Variants in MAML1 observed in about 807,000 individuals in gnomAD.
MAML1 encodes mastermind-like protein 1.
In MAML1, 14 loss-of-function variants were observed where a neutral mutation model predicts 77.1. The observed-to-expected ratio is 0.18, with a 90% confidence interval of 0.12 to 0.28. MAML1 has a LOEUF of 0.28. MAML1 is among the 10% of genes least tolerant of loss of function. MAML1 has a pLI of 1.00. For missense variants in MAML1, 1,217 were observed against 1,327.8 expected (o/e 0.92, Z 1.30); for synonymous variants, 516 against 551.9 (o/e 0.93, Z 0.91).
chr5:179,733,071 G>T lies in MAML1; in HGVS notation c.-42G>T, dbSNP rs1217498195. 3 of 1,218,150 alleles carry T rather than the reference G, an allele frequency of 2.5e-6. No individual in the cohort carries two copies. The highest frequency in any genetic ancestry group is 3.5e-5 in the East Asian group (1 of 28,970). 75.5% of individuals were successfully genotyped at this position (1,218,150 alleles called of 1,614,324 possible). ...GAAGCCCGCAGTGCCAGCCGGCCCC[G>T]AGAGGCCCGGCCCCGGGCCCGGCCC... is the stretch of plus-strand genomic sequence containing the variant. On this transcript the variant is annotated 5_prime_UTR_variant, in exon 1 of 5. Transcript: ENST00000292599.
At position 179,776,016 on chromosome 5, in the gene MAML1, A is replaced by T. The variant is rs1252408960; in HGVS notation, c.*1139A>T. ...CAGATGACTTGCACTTCTTAAAGAG[A>T]TTGCTTTATAACACTAAGACATCCT... On this transcript the variant is annotated 3_prime_UTR_variant, in exon 5 of 5. Transcript: ENST00000292599. 1.1e-5 allele frequency: 11 copies of T among 985,698 alleles called. No homozygotes were observed. The Admixed American group carries it at 5.5e-4, about 50-fold the overall frequency. The allele number at this position is 985,698 out of a possible 1,614,324, so 61.1% of individuals were successfully genotyped here.
Position 179,766,238 on chromosome 5 carries a change from C to G in MAML1, c.1228C>G (p.Gln410Glu). The change falls in exon 2 of 5, where the codon CAG becomes GAG. Residue 410 changes from glutamine to glutamate, a missense_variant. Physicochemically the swap from Gln to Glu is conservative, Grantham distance 29. Transcript: ENST00000292599. The surrounding 1 kb of genome is among the most constrained non-coding windows in gnomAD (Gnocchi z 4.0). Reference protein sequence around the residue: ...QQIAAKQKREQMLQNPQQATP... With the variant: ...QQIAAKQKREEMLQNPQQATP... ...GATCGCTGCCAAGCAGAAGCGCGAG[C>G]AGATGCTCCAGAACCCACAGCAGGC... is the stretch of plus-strand genomic sequence containing the variant. 1 of 1,613,890 alleles carries G rather than the reference C, an allele frequency of 6.2e-7. No individual in the cohort carries two copies. The highest frequency in any genetic ancestry group is 8.5e-7 in the Non-Finnish European group (1 of 1,179,914).
At chr5:179,757,774 A>G (rs1172145449) in intron 1 of MAML1, among the ~76,000 whole-genome samples, 1 of 152,222 alleles carries the variant, frequency 6.6e-6, no homozygotes, top group Admixed American at 6.5e-5. Context: ...AAGAGAATAT[A>G]CTGACTGCCT....
rs918094143 is a variant in MAML1, at chr5:179,776,442, G to C, written c.*1565G>C. ...CTCACTGGGGGTACTTGGACCCTCA[G>C]ATCTTCTTTTCTAATAGCCATTTGC... On this transcript the variant is annotated 3_prime_UTR_variant, in exon 5 of 5. Transcript: ENST00000292599. 1.0e-6 allele frequency: 1 copy of C among 985,774 alleles called. No individual in the cohort carries two copies. Among genetic ancestry groups the C allele is most frequent in the Non-Finnish European group, 1.2e-6 (1 of 829,962 alleles). 61.1% of individuals were successfully genotyped at this position (985,774 alleles called of 1,614,324 possible).
intron 1 of MAML1, among the ~76,000 whole-genome samples, chr5:179,763,568 G>A (rs1187200613): frequency 6.6e-6 from 1 of 152,062 alleles, no homozygotes; most frequent in African/African-American, 2.4e-5. Context: ...TAAGAAATAA[G>A]CAAATCTTGA....
intron 1 of MAML1, among the ~76,000 whole-genome samples, chr5:179,754,359 C>A (rs1289899101): frequency 6.6e-6 from 1 of 152,066 alleles, no homozygotes; most frequent in Admixed American, 6.6e-5. Flanking sequence ...TTTTGGTAGG[C>A]CAAGTCAGGA....
rs959255497 is a variant in MAML1 at position 179,766,495 on chromosome 5, G to A, written c.1485G>A (p.Pro495=). Reference sequence around the variant, plus strand: ...TGAACCTGCTGAGTCACCAGCCACCGAGTAACTTGAATCAGAACTCCGCGA... The same window carrying A: ...TGAACCTGCTGAGTCACCAGCCACCAAGTAACTTGAATCAGAACTCCGCGA... ...SHVNLLSHQP[P]SNLNQNSANN... Residue 495 remains proline (P), a synonymous_variant, in exon 2 of 5, where the codon CCG becomes CCA. Coordinates refer to ENST00000292599, the MANE Select transcript of MAML1 (RefSeq NM_014757.5). The surrounding 1 kb of genome is among the most constrained non-coding windows in gnomAD (Gnocchi z 4.0). 13 of 1,606,676 alleles carry A rather than the reference G, an allele frequency of 8.1e-6. No homozygotes were observed. Among genetic ancestry groups the A allele is most frequent in the Admixed American group, 1.7e-5 (1 of 58,520 alleles).
intron 1 of MAML1, among the ~76,000 whole-genome samples, chr5:179,752,437 T>G (rs1388701892): frequency 6.8e-6 from 1 of 148,108 alleles, no homozygotes; most frequent in Admixed American, 6.8e-5. Context: ...AAAAAGTTCA[T>G]ATATATTGGG....
At position 179,776,516 on chromosome 5, in the gene MAML1, CT is replaced by C; in HGVS notation, c.*1642del. ...TTTCTCCTTAAAACACCTTCCCTAC[CT>C]TTCCCATGTACTCAGTTTAGCTCTC... On this transcript the variant is annotated 3_prime_UTR_variant, in exon 5 of 5. Transcript: ENST00000292599. 1 of 985,788 alleles carries C rather than the reference CT, an allele frequency of 1.0e-6. No homozygotes were observed. Among genetic ancestry groups the C allele is most frequent in the Non-Finnish European group, 1.2e-6 (1 of 829,954 alleles). 61.1% of individuals were successfully genotyped at this position (985,788 alleles called of 1,614,324 possible). A position where few individuals can be genotyped will look rare whatever the true frequency, so the allele number is the denominator to read the frequency against.
intron 1 of MAML1, among the ~76,000 whole-genome samples, chr5:179,753,107 A>G (rs116627766): frequency 6.6e-6 from 1 of 152,052 alleles, no homozygotes; most frequent in African/African-American, 2.4e-5. Context: ...GTCACTTCAC[A>G]ATCATTGGAA....
chr5:179,747,014 G>C (rs1779394944), intron 1 of MAML1, among the ~76,000 whole-genome samples: 1 of 152,046 alleles, frequency 6.6e-6, no homozygotes, highest in African/African-American at 2.4e-5. Flanking sequence ...TTTTATTTTT[G>C]GTAGAGACGA....
chr5:179,775,653 C>T lies in MAML1; in HGVS notation c.*776C>T. On this transcript the variant is annotated 3_prime_UTR_variant, in exon 5 of 5. Transcript: ENST00000292599. ...CATGTCCTGGCAGCAGGACCCCAGGCTACATATGGAAGGTAGAGATGTGGG... is the reference window on the plus strand; with the variant it reads ...CATGTCCTGGCAGCAGGACCCCAGGTTACATATGGAAGGTAGAGATGTGGG... 7 of 985,428 alleles carry T rather than the reference C, an allele frequency of 7.1e-6. No homozygotes were observed. The highest frequency in any genetic ancestry group is 8.4e-6 in the Non-Finnish European group (7 of 829,934). The allele number at this position is 985,428 out of a possible 1,614,324, so 61.0% of individuals were successfully genotyped here.
In MAML1 at chr5:179,775,051, G is replaced by A; in HGVS notation, c.*174G>A. The A allele has an allele frequency of 1.4e-6, 2 of 1,419,020 alleles. No homozygotes were observed. The highest frequency in any genetic ancestry group is 9.2e-7 in the Non-Finnish European group (1 of 1,091,808). The allele number at this position is 1,419,020 out of a possible 1,614,324, so 87.9% of individuals were successfully genotyped here. ...CAGGGTCTGTGGCTGCGCCCCTCAG[G>A]CCAGCAGTTGAGGTCCATCGGGCTG... is the stretch of plus-strand genomic sequence containing the variant. On this transcript the variant is annotated 3_prime_UTR_variant, in exon 5 of 5. Coordinates refer to ENST00000292599, the MANE Select transcript of MAML1 (RefSeq NM_014757.5).
At position 179,769,310 on chromosome 5, in the gene MAML1, C is replaced by T. The variant is rs1332782318; in HGVS notation, c.1971+221C>T. On this transcript the variant is annotated intron_variant, in intron 3 of 4. Transcript: ENST00000292599. The surrounding 1 kb of genome is among the most constrained non-coding windows in gnomAD (Gnocchi z 4.2). Reference sequence around the variant, plus strand: ...GCTTCGTGTCACTTAGTGGAGAGTACTCAAGGCAGACTCGGGGGCTAAAAC... The same window carrying T: ...GCTTCGTGTCACTTAGTGGAGAGTATTCAAGGCAGACTCGGGGGCTAAAAC... 6.6e-6 allele frequency among the ~76,000 whole-genome samples: 1 copy of T among 152,130 alleles called. No individual in the cohort carries two copies. Among genetic ancestry groups the T allele is most frequent in the African/African-American group, 2.4e-5 (1 of 41,414 alleles).
intron 2 of MAML1, among the ~76,000 whole-genome samples, chr5:179,767,766 T>G (rs1258266106): frequency 6.6e-6 from 1 of 152,246 alleles, no homozygotes; most frequent in East Asian, 1.9e-4. Context: ...GTTCTTAAGC[T>G]TCTGGTGATT....
intron 1 of MAML1, among the ~76,000 whole-genome samples, chr5:179,738,495 C>G (rs1057142886): frequency 3.3e-5 from 5 of 152,102 alleles, no homozygotes; most frequent in African/African-American, 1.2e-4. Context: ...CCTGTAATGC[C>G]TGAGACCTTG....
At chr5:179,737,340 A>G (rs1779187815) in intron 1 of MAML1, among the ~76,000 whole-genome samples, 2 of 152,192 alleles carry the variant, frequency 1.3e-5, no homozygotes, top group Admixed American at 6.5e-5. Flanking sequence ...GAATGGGGTC[A>G]TCGGAACAGA....
Position 179,775,596 on chromosome 5 carries a change from C to G in MAML1, c.*719C>G. On this transcript the variant is annotated 3_prime_UTR_variant, in exon 5 of 5. Transcript: ENST00000292599. ...GGTCTTCCTAGCAGCTCCTCCTCCT[C>G]CCTCCCAAGGCCCCCAGGAATCCCT... 2.0e-6 allele frequency: 2 copies of G among 985,444 alleles called. No individual in the cohort carries two copies. Among genetic ancestry groups the G allele is most frequent in the Non-Finnish European group, 2.4e-6 (2 of 829,934 alleles). 61.0% of individuals were successfully genotyped at this position (985,444 alleles called of 1,614,324 possible).
intron 1 of MAML1, among the ~76,000 whole-genome samples, chr5:179,744,837 A>G (rs1779349268): frequency 6.6e-6 from 1 of 152,096 alleles, no homozygotes; most frequent in Non-Finnish European, 1.5e-5. Context: ...ATTCTGGTAC[A>G]TCTATTTCTT....
Sources: allele counts gnomAD v4.1 joint callset (sites outside exome capture counted in the v4.1 genomes callset), GRCh38; gene constraint gnomAD v4.1.1; non-coding constraint Gnocchi (gnomAD v3.1); transcripts MANE v1.5; gene names NCBI Gene and HGNC (gene_info 2026-07-23, HGNC 2026-07-21).